Variants in IFT74 observed in about 807,000 individuals in gnomAD.
The protein encoded by IFT74 is intraflagellar transport 74, also known as intraflagellar transport protein 74 homolog.
IFT74 carries 92 observed loss-of-function variants against 96.7 expected under a neutral mutation model. The ratio of observed to expected loss-of-function variants is 0.95; its 90% CI spans 0.80 to 1.13. The LOEUF (loss-of-function observed/expected upper bound fraction) is 1.13. IFT74 is among the 50% of genes most tolerant of loss of function. The probability of loss-of-function intolerance (pLI) is 0.00; values close to 1 mark genes in which losing one functional copy is unlikely to be tolerated. For missense variants in IFT74, 811 were observed against 698.2 expected (o/e 1.16, Z -1.82); for synonymous variants, 223 against 213.2 (o/e 1.05, Z -0.40).
chr9:27,003,677 G>T (rs1828624056), intron 8 of IFT74, among the ~76,000 whole-genome samples: 1 of 152,118 alleles, frequency 6.6e-6, no homozygotes. Context: ...ATCCATTTAT[G>T]CACATTCCCC....
chr9:27,054,528 A>G (rs1820072786), intron 16 of IFT74, among the ~76,000 whole-genome samples: 1 of 152,202 alleles, frequency 6.6e-6, no homozygotes, highest in Admixed American at 6.5e-5. Context: ...CACCTGGCAC[A>G]TAGTAGATGC....
intron 8 of IFT74, among the ~76,000 whole-genome samples, chr9:26,996,027 AT>A (rs1488546490): frequency 6.6e-6 from 1 of 152,088 alleles, no homozygotes; most frequent in Non-Finnish European, 1.5e-5. Context: ...TGTGTTTGCA[AT>A]TTTGTTACCC....
intron 12 of IFT74, among the ~76,000 whole-genome samples, chr9:27,022,757 C>T (rs1829672627): frequency 6.6e-6 from 1 of 151,892 alleles, no homozygotes; most frequent in South Asian, 2.1e-4. Context: ...ATTCTTCTGC[C>T]TCAGCCTCCC....
chr9:27,056,348 G>C lies in IFT74; in HGVS notation c.1512G>C (p.Glu504Asp). 1.3e-6 allele frequency: 2 copies of C among 1,579,974 alleles called. No individual in the cohort carries two copies. Among genetic ancestry groups the C allele is most frequent in the South Asian group, 2.3e-5 (2 of 87,190 alleles). Reference protein sequence around the residue: ...GEEKIKKLHQERMILSTHRNA... With the variant: ...GEEKIKKLHQDRMILSTHRNA... ...GATCTTTCTAGAAATTACATCAGGA[G>C]AGAATGATATTATCAACCCACAGAA... The change falls in exon 18 of 20, where the codon GAG (glutamate) becomes GAC (aspartate). Residue 504 changes from glutamate to aspartate, a missense_variant. Transcript: ENST00000380062.
rs7026933 is a variant in IFT74, at chr9:27,026,665, A to G, written c.975-2360A>G. On this transcript the variant is annotated intron_variant, in intron 12 of 19. Transcript: ENST00000380062. ...GAATAAAACTGGAAATCAACTCCAAAAGGAACCTTAAAAACCATGCAGATA... is the reference window on the plus strand; with the variant it reads ...GAATAAAACTGGAAATCAACTCCAAGAGGAACCTTAAAAACCATGCAGATA... Among the ~76,000 whole-genome samples the G allele has an allele frequency of 1.9e-3, 286 of 152,256 alleles. 1 individual carries two copies. Among genetic ancestry groups the G allele is most frequent in the African/African-American group, 6.3e-3 (260 of 41,566 alleles).
chr9:27,035,874 A>T (rs574079664), intron 13 of IFT74, among the ~76,000 whole-genome samples: 1 of 152,326 alleles, frequency 6.6e-6, no homozygotes, highest in Admixed American at 6.5e-5. Flanking sequence ...TTTAAAATGT[A>T]GTTGACCCTT....
At chr9:26,959,089 T>TTGTTGTTG (rs1554664434) in intron 1 of IFT74, among the ~76,000 whole-genome samples, 2 of 150,524 alleles carry the variant, frequency 1.3e-5, no homozygotes, top group Non-Finnish European at 3.0e-5. Flanking sequence ...AGCTATTCTT[T>TTGTTGTTG]TTGTTGTTGT....
intron 8 of IFT74, among the ~76,000 whole-genome samples, chr9:26,992,846 C>G (rs191980310): frequency 8.9e-4 from 136 of 152,296 alleles, no homozygotes; most frequent in Non-Finnish European, 1.7e-3. Context: ...AAATGCCATA[C>G]CTCGAGAAGG....
chr9:27,033,932 T>A (rs1310517833), intron 13 of IFT74, among the ~76,000 whole-genome samples: 1 of 152,160 alleles, frequency 6.6e-6, no homozygotes, highest in Non-Finnish European at 1.5e-5. Context: ...TTTTTGTCAG[T>A]CAAGATAAGG....
chr9:26,983,628 G>A (rs936379359), intron 4 of IFT74, among the ~76,000 whole-genome samples: 1 of 152,162 alleles, frequency 6.6e-6, no homozygotes, highest in Non-Finnish European at 1.5e-5. Flanking sequence ...CTGTGATGAT[G>A]ACAGTTAAGC....
At chr9:26,999,552 A>T in intron 8 of IFT74, 1 of 1,242,590 alleles carries the variant, frequency 8.0e-7, no homozygotes, top group Non-Finnish European at 1.1e-6. Context: ...TTTATATTTT[A>T]CTAAATATAC....
intron 13 of IFT74, among the ~76,000 whole-genome samples, chr9:27,033,930 A>G (rs1002391911): frequency 2.6e-5 from 4 of 152,184 alleles, no homozygotes; most frequent in African/African-American, 7.2e-5. Flanking sequence ...AGTTTTTGTC[A>G]GTCAAGATAA....
intron 13 of IFT74, among the ~76,000 whole-genome samples, 160 bp downstream of exon 13, chr9:27,029,264 T>C (rs1830011656): frequency 6.6e-6 from 1 of 152,208 alleles, no homozygotes; most frequent in Admixed American, 6.5e-5. Flanking sequence ...ATGAGTAATA[T>C]TAAAGCAATG....
intron 8 of IFT74, among the ~76,000 whole-genome samples, chr9:27,007,703 G>A (rs906034547): frequency 5.3e-5 from 8 of 152,240 alleles, no homozygotes; most frequent in African/African-American, 1.9e-4. Context: ...GTGTGTAGGG[G>A]ATATGTGGAT....
At chr9:26,994,540 A>C (rs943196221) in intron 8 of IFT74, 9 of 151,196 alleles carry the variant, frequency 6.0e-5, no homozygotes, top group African/African-American at 2.2e-4. Flanking sequence ...TTGTCTCAAA[A>C]AAAAAAAAAA....
intron 15 of IFT74, 106 bp from the exon 16 acceptor site, chr9:27,048,042 T>C (rs1291686766): frequency 8.8e-6 from 6 of 681,726 alleles, no homozygotes; most frequent in Admixed American, 3.7e-5. Context: ...TCAAAAAAAA[T>C]ACCTGATCCA....
chr9:26,980,474 C>T, intron 3 of IFT74, 97 bp from the exon 4 acceptor site: 1 of 778,520 alleles, frequency 1.3e-6, no homozygotes, highest in Non-Finnish European at 2.3e-6. Context: ...TGAAGACTGT[C>T]TTGAGAATTG....
Position 27,044,732 on chromosome 9 carries a change from T to G in IFT74, c.1055-10T>G, listed in dbSNP as rs1247662376. The G allele has an allele frequency of 3.9e-6, 6 of 1,531,592 alleles. No homozygotes were observed. The South Asian group carries it at 7.1e-5, about 18-fold the overall frequency. 94.9% of individuals were successfully genotyped at this position (1,531,592 alleles called of 1,614,324 possible). On this transcript the variant is annotated splice_polypyrimidine_tract_variant and intron_variant, in intron 13 of 19. Coordinates refer to ENST00000380062, the MANE Select transcript of IFT74 (RefSeq NM_025103.4). ...TTTGAAATTCATGTTGTATTTTATA[T>G]CTCTCATAGGTGAAATGAACCAGAA...
At chr9:27,014,952 T>C (rs1829272873) in intron 10 of IFT74, among the ~76,000 whole-genome samples, 1 of 152,238 alleles carries the variant, frequency 6.6e-6, no homozygotes, top group Non-Finnish European at 1.5e-5. Context: ...TTCAAGAAAA[T>C]ACCTGTCAGA....
Sources: allele counts gnomAD v4.1 joint callset (sites outside exome capture counted in the v4.1 genomes callset), GRCh38; gene constraint gnomAD v4.1.1; transcripts MANE v1.5; gene names NCBI Gene and HGNC (gene_info 2026-07-23, HGNC 2026-07-21).